Variants in ERC1 observed in about 807,000 individuals in gnomAD.
ERC1 encodes ELKS/RAB6-interacting/CAST family member 1, also known as RAB6 interacting protein 2.
A neutral mutation model predicts 132.0 loss-of-function variants in ERC1; 56 were observed. The observed-to-expected ratio is 0.42, with a 90% CI of 0.34 to 0.53. The LOEUF is 0.53. ERC1 is among the 20% of genes least tolerant of loss of function. ERC1 has a pLI of 0.03. For missense variants in ERC1, 1,202 were observed against 1,349.9 expected, an observed-to-expected ratio of 0.89 and a Z score of 1.72; for synonymous variants, 478 against 476.1, an observed-to-expected ratio of 1.00 and a Z score of -0.05.
chr12:1,452,915 A>G (rs745862080), intron 18 of ERC1, among the ~76,000 whole-genome samples: 2 of 152,202 alleles, frequency 1.3e-5, no homozygotes, highest in Non-Finnish European at 2.9e-5. Context: ...ATGGTGCCAC[A>G]GGCCTTGAGC....
At chr12:1,451,030 G>C (rs1056283514) in intron 18 of ERC1, among the ~76,000 whole-genome samples, 1 of 152,066 alleles carries the variant, frequency 6.6e-6, no homozygotes, top group Non-Finnish European at 1.5e-5. Flanking sequence ...CTGAGTTTTA[G>C]AAGTTCTCTA....
chr12:1,258,294 C>A (rs1196052191), intron 13 of ERC1, among the ~76,000 whole-genome samples: 1 of 152,174 alleles, frequency 6.6e-6, no homozygotes, highest in African/African-American at 2.4e-5. Flanking sequence ...TTCAGCATTA[C>A]AGACTCAGAA....
chr12:1,212,316 T>TCTGCCTAGTACTGGATCAC (rs1566263834), intron 12 of ERC1, among the ~76,000 whole-genome samples: 1 of 152,146 alleles, frequency 6.6e-6, no homozygotes, highest in Non-Finnish European at 1.5e-5. Flanking sequence ...GTAGTTCTTC[T>TCTGCCTAGTACTGGATCAC]CTGCCTAGTA....
rs1010486588 is a variant in ERC1 at position 1,491,482 on chromosome 12, G to T, written c.*1252G>T. The T allele has an allele frequency of 4.3e-6, 1 of 230,420 alleles. No individual in the cohort carries two copies. The highest frequency in any genetic ancestry group is 8.6e-6 in the Non-Finnish European group (1 of 116,352). 14.3% of individuals were successfully genotyped at this position (230,420 alleles called of 1,614,324 possible). The stretch of plus-strand genomic sequence containing the variant: ...CACTTCTCAGTGAGGGAGAGATGTA[G>T]TGGATTCTGTGAGACATACCTGCTG... On this transcript the variant is annotated 3_prime_UTR_variant, in exon 19 of 19. Transcript: ENST00000360905.
intron 17 of ERC1, among the ~76,000 whole-genome samples, chr12:1,420,025 T>C (rs537515730): frequency 3.5e-4 from 54 of 152,298 alleles, no homozygotes; most frequent in African/African-American, 1.2e-3. Context: ...TTTTGTTCTC[T>C]GCTTGGGAAC....
rs560020503 is a variant in ERC1 at position 1,444,773 on chromosome 12, G to A, written c.3213+23G>A. Reference sequence around the variant, plus strand: ...CAGGTGAGCCTCTCACTCAAACTTTGAAAAGAGCCTGTGAAAATCCAGTTG... The same window carrying A: ...CAGGTGAGCCTCTCACTCAAACTTTAAAAAGAGCCTGTGAAAATCCAGTTG... On this transcript the variant is annotated intron_variant, in intron 18 of 18. Coordinates refer to ENST00000360905, the MANE Select transcript of ERC1 (RefSeq NM_178040.4). 2.5e-6 allele frequency: 4 copies of A among 1,608,272 alleles called. No homozygotes were observed. The African/African-American group carries it at 5.4e-5, about 22-fold the overall frequency.
chr12:1,481,751 G>A (rs533346947), intron 18 of ERC1, among the ~76,000 whole-genome samples: 11 of 152,126 alleles, frequency 7.2e-5, no homozygotes, highest in East Asian at 1.9e-4. Context: ...CTGGAAAAGC[G>A]TAGCCTTGTA....
intron 8 of ERC1, among the ~76,000 whole-genome samples, chr12:1,142,463 A>G (rs941855591): frequency 5.3e-5 from 8 of 152,240 alleles, no homozygotes; most frequent in African/African-American, 1.2e-4. Context: ...TAGTTTATAC[A>G]TATGTCAAGT....
At chr12:1,060,811 T>C (rs1029024985) in intron 2 of ERC1, among the ~76,000 whole-genome samples, 6 of 151,612 alleles carry the variant, frequency 4.0e-5, no homozygotes, top group African/African-American at 1.5e-4. Flanking sequence ...CTGCAAGCTC[T>C]GCCTCCTGGG....
intron 12 of ERC1, among the ~76,000 whole-genome samples, chr12:1,190,901 T>TA (rs1204355568): frequency 6.6e-6 from 1 of 151,920 alleles, no homozygotes; most frequent in Non-Finnish European, 1.5e-5. Flanking sequence ...TTTTTTTTTT[T>TA]TTATGATCTT....
At chr12:1,407,292 TGA>T (rs59148091) in intron 16 of ERC1, among the ~76,000 whole-genome samples, 9 of 151,690 alleles carry the variant, frequency 5.9e-5, no homozygotes, top group South Asian at 2.1e-4. Flanking sequence ...TATATATATA[TGA>T]GAGAGAGAGA....
At chr12:999,968 A>C (rs1053467447) in intron 1 of ERC1, among the ~76,000 whole-genome samples, 1 of 152,144 alleles carries the variant, frequency 6.6e-6, no homozygotes, top group African/African-American at 2.4e-5. Context: ...TCTGAGTAGG[A>C]GATGCATGAT....
chr12:1,490,087 T>C lies in ERC1; in HGVS notation c.3214-6T>C, dbSNP rs773124076. Reference sequence around the variant, plus strand: ...ATCTGAAATCCATCTCTCCTTTCCCTTTCAGCTTCAGGATGAGTTAGAGAA... The same window carrying C: ...ATCTGAAATCCATCTCTCCTTTCCCCTTCAGCTTCAGGATGAGTTAGAGAA... On this transcript the variant is annotated splice_polypyrimidine_tract_variant and splice_region_variant and intron_variant, in intron 18 of 18. Coordinates refer to ENST00000360905, the MANE Select transcript of ERC1 (RefSeq NM_178040.4). 6 of 1,613,210 alleles carry C rather than the reference T, an allele frequency of 3.7e-6. No homozygotes were observed. In the East Asian group the frequency reaches 1.1e-4, roughly 30 times the overall value.
intron 8 of ERC1, among the ~76,000 whole-genome samples, chr12:1,149,174 AAG>A (rs1950627345): frequency 6.9e-6 from 1 of 144,626 alleles, no homozygotes; most frequent in East Asian, 1.9e-4. Flanking sequence ...AATAACTTTA[AAG>A]TAATCTTTTT....
intron 2 of ERC1, among the ~76,000 whole-genome samples, chr12:1,057,688 C>T (rs1033633754): frequency 4.3e-5 from 6 of 140,916 alleles, no homozygotes; most frequent in Admixed American, 1.5e-4. Flanking sequence ...CTCTGCTTCC[C>T]GGGTTCAAGC....
intron 17 of ERC1, among the ~76,000 whole-genome samples, chr12:1,439,623 ACTT>A (rs1437587413): frequency 6.6e-6 from 1 of 152,196 alleles, no homozygotes; most frequent in Non-Finnish European, 1.5e-5. Context: ...TCATTTTTTA[ACTT>A]CTTTTTTCCT....
chr12:1,388,547 A>G (rs2154381564), intron 16 of ERC1, among the ~76,000 whole-genome samples: 1 of 152,218 alleles, frequency 6.6e-6, no homozygotes, highest in South Asian at 2.1e-4. Context: ...CAGGTCACGG[A>G]GAGCCCTGGA....
chr12:1,285,857 G>C (rs558731739), intron 14 of ERC1, among the ~76,000 whole-genome samples: 1 of 152,120 alleles, frequency 6.6e-6, no homozygotes, highest in East Asian at 1.9e-4. Flanking sequence ...AAAAGCTTAG[G>C]CCTGTCTCAA....
intron 3 of ERC1, among the ~76,000 whole-genome samples, chr12:1,100,408 T>C (rs1944533433): frequency 6.6e-6 from 1 of 152,140 alleles, no homozygotes; most frequent in South Asian, 2.1e-4. Context: ...CGAGAAGCTT[T>C]TGATAATTGC....
Sources: allele counts gnomAD v4.1 joint callset (sites outside exome capture counted in the v4.1 genomes callset), GRCh38; gene constraint gnomAD v4.1.1; transcripts MANE v1.5; gene names NCBI Gene and HGNC (gene_info 2026-07-23, HGNC 2026-07-21).